PGM2L1: variants seen among roughly 807,000 people sequenced by gnomAD.
PGM2L1 encodes glucose 1,6-bisphosphate synthase.
A neutral mutation model predicts 73.4 loss-of-function variants in PGM2L1; 35 were observed. That is an observed-to-expected ratio of 0.48 (90% CI 0.36 to 0.63). PGM2L1 has a LOEUF of 0.63. PGM2L1 is among the 30% of genes least tolerant of loss of function. The pLI, the probability that PGM2L1 is intolerant of heterozygous loss-of-function variation, is 0.00. For missense variants in PGM2L1, 570 were observed against 742.0 expected (o/e 0.77, Z 2.69); for synonymous variants, 225 against 253.8 (o/e 0.89, Z 1.08).
At chr11:74,366,358 TA>T (rs779898779) in intron 5 of PGM2L1, among the ~76,000 whole-genome samples, 6,119 of 83,376 alleles carry the variant, frequency 0.073, 104 homozygotes, top group Middle Eastern at 0.079. Flanking sequence ...ACTTAAAGTA[TA>T]AAAAAAAAAA....
At chr11:74,381,571 CTTTTTTTTTTT>C (rs1195996518) in intron 1 of PGM2L1, among the ~76,000 whole-genome samples, 1 of 95,436 alleles carries the variant, frequency 1.0e-5, no homozygotes, top group Non-Finnish European at 2.0e-5. Context: ...GTGTTTTTGT[CTTTTTTTTTTT>C]TTTTTTTTTT....
At chr11:74,350,241 G>T (rs1228747323) in intron 6 of PGM2L1, among the ~76,000 whole-genome samples, 2 of 152,090 alleles carry the variant, frequency 1.3e-5, no homozygotes, top group African/African-American at 4.8e-5. Flanking sequence ...TTAAAATAAA[G>T]TTGAGAAAAA....
At chr11:74,351,047 A>C (rs1862344505) in intron 6 of PGM2L1, among the ~76,000 whole-genome samples, 1 of 152,206 alleles carries the variant, frequency 6.6e-6, no homozygotes, top group African/African-American at 2.4e-5. Context: ...CCTATTCTAC[A>C]TATGTCATAT....
At chr11:74,378,016 A>G (rs543184704) in intron 1 of PGM2L1, among the ~76,000 whole-genome samples, 1 of 152,088 alleles carries the variant, frequency 6.6e-6, no homozygotes, top group Admixed American at 6.5e-5. Flanking sequence ...AAACATACAT[A>G]CCAGGCTGGG....
rs1863144730 is a variant in PGM2L1, at chr11:74,394,399, G to A, written c.111+3652C>T. Among the ~76,000 whole-genome samples the A allele has an allele frequency of 2.0e-5, 3 of 152,218 alleles. No homozygotes were observed. In the South Asian group the frequency reaches 6.2e-4, roughly 32 times the overall value. The stretch of plus-strand genomic sequence containing the variant: ...ACAAGGTAGGCTAACAAATTAGGCT[G>A]AAGGCTCAGGAATGGAAGGTCACAT... On this transcript the variant is annotated intron_variant, in intron 1 of 13. Transcript: ENST00000298198.
chr11:74,337,413 G>T (rs1862114882), intron 13 of PGM2L1, among the ~76,000 whole-genome samples: 1 of 152,060 alleles, frequency 6.6e-6, no homozygotes, highest in Non-Finnish European at 1.5e-5. Flanking sequence ...TGACTTCGGG[G>T]GCTCTTTATC....
chr11:74,354,081 G>C (rs1323805952), intron 5 of PGM2L1, among the ~76,000 whole-genome samples: 1 of 151,870 alleles, frequency 6.6e-6, no homozygotes, highest in Admixed American at 6.6e-5. Context: ...TGGAGGTACA[G>C]CAACCACCAT....
At chr11:74,340,741 A>G (rs1039620416) in intron 12 of PGM2L1, among the ~76,000 whole-genome samples, 1 of 152,240 alleles carries the variant, frequency 6.6e-6, no homozygotes, top group South Asian at 2.1e-4. Flanking sequence ...CAATGATGAC[A>G]TAAAACAGTA....
chr11:74,354,398 A>AT (rs1159010438), intron 5 of PGM2L1: 1 of 599,308 alleles, frequency 1.7e-6, no homozygotes, highest in Non-Finnish European at 3.0e-6. Context: ...CTGCCCGTGG[A>AT]TGCTGCTGAG....
At position 74,333,526 on chromosome 11, in the gene PGM2L1, C is replaced by T. The variant is rs1330753098; in HGVS notation, c.*3126G>A. 1 of 152,170 alleles carries T rather than the reference C, an allele frequency of 6.6e-6. No homozygotes were observed. Among genetic ancestry groups the T allele is most frequent in the East Asian group, 1.9e-4 (1 of 5,194 alleles). 9.4% of individuals were successfully genotyped at this position (152,170 alleles called of 1,614,324 possible). On this transcript the variant is annotated 3_prime_UTR_variant, in exon 14 of 14. Transcript: ENST00000298198. ...TTTCTGCTCTACCTCTTCCTGAGTT[C>T]TCACATGATTCTGATACAACATCCT...
intron 1 of PGM2L1, among the ~76,000 whole-genome samples, chr11:74,387,788 T>C (rs1863038082): frequency 6.6e-6 from 1 of 152,212 alleles, no homozygotes; most frequent in Non-Finnish European, 1.5e-5. Context: ...TAAATTTTAC[T>C]TTATTATGAA....
rs1352905737 is a variant in PGM2L1 at position 74,355,389 on chromosome 11, C to T, written c.556-3813G>A. 4 of 570,686 alleles carry T rather than the reference C, an allele frequency of 7.0e-6. No individual in the cohort carries two copies. In the Admixed American group the frequency reaches 1.1e-4, roughly 15 times the overall value. 35.4% of individuals were successfully genotyped at this position (570,686 alleles called of 1,614,324 possible). A position where few individuals can be genotyped will look rare whatever the true frequency, so the allele number is the denominator to read the frequency against. On this transcript the variant is annotated intron_variant, in intron 5 of 13. Transcript: ENST00000298198. ...GCCAATGTGACAAACCCCGTCTCTA[C>T]TAAAAATACAAAAAATTAGCCGGGC... is the stretch of plus-strand genomic sequence containing the variant.
chr11:74,386,493 T>A (rs1215803279), intron 1 of PGM2L1, among the ~76,000 whole-genome samples: 6 of 151,832 alleles, frequency 4.0e-5, no homozygotes, highest in Non-Finnish European at 8.8e-5. Flanking sequence ...TTTTTTTTTT[T>A]GAGGTAGGGT....
intron 1 of PGM2L1, among the ~76,000 whole-genome samples, chr11:74,395,999 C>G (rs573899989): frequency 6.6e-6 from 1 of 152,102 alleles, no homozygotes; most frequent in South Asian, 2.1e-4. Context: ...TGCCTATAAT[C>G]CCAACACTTT....
At chr11:74,391,504 G>T (rs1056973245) in intron 1 of PGM2L1, among the ~76,000 whole-genome samples, 1 of 151,720 alleles carries the variant, frequency 6.6e-6, no homozygotes, top group African/African-American at 2.4e-5. Context: ...ATTTTCTATT[G>T]CATTTGGCAG....
Sources: allele counts gnomAD v4.1 joint callset (sites outside exome capture counted in the v4.1 genomes callset), GRCh38; gene constraint gnomAD v4.1.1; transcripts MANE v1.5; gene names NCBI Gene and HGNC (gene_info 2026-07-23, HGNC 2026-07-21).